Variants in CAMK2G observed in about 807,000 individuals in gnomAD.
The protein encoded by CAMK2G is calcium/calmodulin dependent protein kinase II gamma, also known as calcium/calmodulin-dependent protein kinase type II subunit gamma.
Under a neutral mutation model 88.7 loss-of-function variants are expected in CAMK2G, and 23 were observed. That is an observed-to-expected ratio of 0.26 (90% CI 0.19 to 0.37). The LOEUF (loss-of-function observed/expected upper bound fraction) is 0.37, where lower values mean the gene tolerates loss of function less well. Ranked by LOEUF, CAMK2G falls within the 10% of genes least tolerant of loss-of-function variation. The probability of loss-of-function intolerance (pLI) is 1.00; values close to 1 mark genes in which losing one functional copy is unlikely to be tolerated. For synonymous variants in CAMK2G, 263 were observed against 294.8 expected, an observed-to-expected ratio of 0.89 and a Z score of 1.11; for missense variants, 476 against 780.8, an observed-to-expected ratio of 0.61 and a Z score of 4.65.
intron 2 of CAMK2G, among the ~76,000 whole-genome samples, chr10:73,865,677 C>A (rs2095559131): frequency 6.6e-6 from 1 of 152,194 alleles, no homozygotes; most frequent in South Asian, 2.1e-4. Flanking sequence ...CATCTCCAAC[C>A]CCAAAAAGGG....
At chr10:73,871,173 A>G (rs2095815676) in intron 2 of CAMK2G, among the ~76,000 whole-genome samples, 1 of 152,192 alleles carries the variant, frequency 6.6e-6, no homozygotes, top group Non-Finnish European at 1.5e-5. Flanking sequence ...GGGGAAAAAA[A>G]AAAAAATCAA....
chr10:73,815,254 G>A lies in CAMK2G; in HGVS notation c.1535-7C>T, dbSNP rs1228618524. 1.9e-6 allele frequency: 3 copies of A among 1,595,278 alleles called. No homozygotes were observed. Among genetic ancestry groups the A allele is most frequent in the East Asian group, 2.2e-5 (1 of 44,690 alleles). On this transcript the variant is annotated splice_polypyrimidine_tract_variant and splice_region_variant and intron_variant, in intron 21 of 22. Coordinates refer to ENST00000423381, the MANE Select transcript of CAMK2G (RefSeq NM_001367534.1). ...TTGCTGTTCTTGGACAGGACTGCAG[G>A]GCAGGGTGGGGTAGGTAAGAGGACA...
At chr10:73,859,032 C>T (rs1437314146) in intron 3 of CAMK2G, among the ~76,000 whole-genome samples, 1 of 152,252 alleles carries the variant, frequency 6.6e-6, no homozygotes, top group South Asian at 2.1e-4. Context: ...ATTATCACTG[C>T]TGTACCAGTT....
intron 2 of CAMK2G, among the ~76,000 whole-genome samples, chr10:73,863,165 G>T (rs1398870288): frequency 1.3e-5 from 2 of 152,228 alleles, no homozygotes; most frequent in African/African-American, 4.8e-5. Context: ...GGGACAGACA[G>T]AGATTAGTTC....
chr10:73,856,058 C>T (rs1032580969), intron 3 of CAMK2G, among the ~76,000 whole-genome samples: 2 of 152,046 alleles, frequency 1.3e-5, no homozygotes, highest in Admixed American at 1.3e-4. Context: ...CAGCTGTGAG[C>T]CACCGCACCC....
intron 16 of CAMK2G, among the ~76,000 whole-genome samples, chr10:73,824,866 A>T (rs2090374132): frequency 6.6e-6 from 1 of 152,182 alleles, no homozygotes; most frequent in Admixed American, 6.5e-5. Flanking sequence ...TGGCTTTGCA[A>T]AGGAGAGGCT....
At chr10:73,857,677 A>G (rs1370154309) in intron 3 of CAMK2G, among the ~76,000 whole-genome samples, 1 of 152,220 alleles carries the variant, frequency 6.6e-6, no homozygotes, top group Non-Finnish European at 1.5e-5. Flanking sequence ...GAAGGAAGAC[A>G]GAGTCTATTC....
rs2093852448 is a variant in CAMK2G at position 73,842,267 on chromosome 10, G to A, written c.904-56C>T. The A allele has an allele frequency of 3.4e-6, 5 of 1,464,194 alleles. No homozygotes were observed. The highest frequency in any genetic ancestry group is 4.5e-5 in the East Asian group (2 of 44,256). 90.7% of individuals were successfully genotyped at this position (1,464,194 alleles called of 1,614,324 possible). On this transcript the variant is annotated intron_variant, in intron 11 of 22. Coordinates refer to ENST00000423381, the MANE Select transcript of CAMK2G (RefSeq NM_001367534.1). This position sits in a 1 kb window ranked among gnomAD's most constrained non-coding sequence, Gnocchi z 4.6. ...CTGAGACCCTAGAAAAGGGCAGGCT[G>A]GTCTCAGGCAAAGGCAGGTCCTGGC... is the stretch of plus-strand genomic sequence containing the variant.
Position 73,874,483 on chromosome 10 carries a change from GCGGTGCAGCCCGCGCCGACGT to G in CAMK2G, c.-43_-23del. 2 of 1,479,496 alleles carry G rather than the reference GCGGTGCAGCCCGCGCCGACGT, an allele frequency of 1.4e-6. No individual in the cohort carries two copies. The highest frequency in any genetic ancestry group is 2.6e-5 in the South Asian group (2 of 76,822). The allele number at this position is 1,479,496 out of a possible 1,614,324, so 91.6% of individuals were successfully genotyped here. ...CCATGCTGGCGGGCGGGCGGACGCG[GCGGTGCAGCCCGCGCCGACGT>G]CGGTGCACAGTCACCGCCGCCCGGC... On this transcript the variant is annotated 5_prime_UTR_variant, in exon 1 of 23. Transcript: ENST00000423381.
In CAMK2G at chr10:73,839,566, C is replaced by T. The variant is rs773679669; in HGVS notation, c.982G>A (p.Ala328Thr). 25 of 1,234,820 alleles carry T rather than the reference C, an allele frequency of 2.0e-5. No homozygotes were observed. The highest frequency in any genetic ancestry group is 1.2e-4 in the South Asian group (3 of 24,586). 76.5% of individuals were successfully genotyped at this position (1,234,820 alleles called of 1,614,324 possible). The change falls in exon 13 of 23, where the codon GCG becomes ACG. Residue 328 changes from alanine to threonine, a missense_variant. Physicochemically the swap from Ala to Thr is moderately conservative, Grantham distance 58. Around this residue, in one of 3 missense-constraint regions of CAMK2G, gnomAD observed 278 missense variants for 366.5 expected, o/e 0.76. Transcript: ENST00000423381. This position sits in a 1 kb window ranked among gnomAD's most constrained non-coding sequence, Gnocchi z 4.2. ...RQSSAPASPA[A>T]SAAGLAGQAA... is the part of the protein sequence containing the mutation. ...TGCCCGGCCAGGCCGGCGGCGCTCG[C>T]GGCAGGCGAGGCGGGGGCGGAGCTC...
At chr10:73,873,205 A>G in intron 1 of CAMK2G, 122 bp from the exon 2 acceptor site, 2 of 960,080 alleles carry the variant, frequency 2.1e-6, no homozygotes, top group Non-Finnish European at 1.6e-6. Context: ...ACGTACATGC[A>G]CACACACCGG....
At chr10:73,829,700 G>GGTGTGTGTGTGTGTGTGTGTGT (rs60725888) in intron 14 of CAMK2G, among the ~76,000 whole-genome samples, 119 of 138,408 alleles carry the variant, frequency 8.6e-4, no homozygotes, top group African/African-American at 3.0e-3. Flanking sequence ...TAAGTAGTGG[G>GGTGTGTGTGTGTGTGTGTGTGT]GTGTGTGTGT....
chr10:73,815,239 T>C lies in CAMK2G; in HGVS notation c.1543A>G (p.Lys515Glu). 6.2e-7 allele frequency: 1 copy of C among 1,612,424 alleles called. No homozygotes were observed. The highest frequency in any genetic ancestry group is 8.5e-7 in the Non-Finnish European group (1 of 1,178,474). Residue 515 changes from lysine (K) to glutamate (E), a missense_variant, in exon 22 of 23, where the codon AAG (lysine) becomes GAG (glutamate). By Grantham distance (56) the Lys-to-Glu change is moderately conservative. Transcript: ENST00000423381. Reference protein sequence around the residue: ...HKFYFENLLSKNSKPIHTTIL... With the variant: ...HKFYFENLLSENSKPIHTTIL... The stretch of plus-strand genomic sequence containing the variant: ...GTGGTATGGATAGGCTTGCTGTTCT[T>C]GGACAGGACTGCAGGGCAGGGTGGG...
chr10:73,819,758 C>T (rs1303669798), intron 18 of CAMK2G, 113 bp from the exon 19 acceptor site: 6 of 644,698 alleles, frequency 9.3e-6, no homozygotes, highest in East Asian at 2.9e-5. Flanking sequence ...GCTGCAGAGC[C>T]GGGGCAAGGG....
intron 15 of CAMK2G, among the ~76,000 whole-genome samples, chr10:73,827,680 A>G (rs531791074): frequency 7.2e-5 from 11 of 152,290 alleles, no homozygotes; most frequent in African/African-American, 2.6e-4. Context: ...GGAGCCTGCA[A>G]CCAGCTCCTC....
rs1453664159 is a variant in CAMK2G at position 73,821,739 on chromosome 10, C to A, written c.1201-9G>T. The A allele has an allele frequency of 1.2e-6, 2 of 1,608,576 alleles. No individual in the cohort carries two copies. The highest frequency in any genetic ancestry group is 1.7e-6 in the Non-Finnish European group (2 of 1,176,636). On this transcript the variant is annotated splice_polypyrimidine_tract_variant and intron_variant, in intron 17 of 22. Transcript: ENST00000423381. Reference sequence around the variant, plus strand: ...CAGCTCTCTGTGGAGCCCTGTAGGCCAAAAAGAACATGTTTCTATATGCTC... The same window carrying A: ...CAGCTCTCTGTGGAGCCCTGTAGGCAAAAAAGAACATGTTTCTATATGCTC...
At position 73,816,586 on chromosome 10, in the gene CAMK2G, G is replaced by A. The variant is rs571927707; in HGVS notation, c.1534+437C>T. The A allele has an allele frequency of 1.0e-4, 63 of 605,214 alleles. 1 individual carries two copies. In the South Asian group the frequency reaches 1.2e-3, roughly 11 times the overall value. 37.5% of individuals were successfully genotyped at this position (605,214 alleles called of 1,614,324 possible). A position where few individuals can be genotyped will look rare whatever the true frequency, so the allele number is the denominator to read the frequency against. On this transcript the variant is annotated intron_variant, in intron 21 of 22. Coordinates refer to ENST00000423381, the MANE Select transcript of CAMK2G (RefSeq NM_001367534.1). ...CATCATTCTCCTGCCTCAGCCACCCGAGTAGCTGGGACTACAGGCACCGCC... is the reference window on the plus strand; with the variant it reads ...CATCATTCTCCTGCCTCAGCCACCCAAGTAGCTGGGACTACAGGCACCGCC...
intron 2 of CAMK2G, among the ~76,000 whole-genome samples, chr10:73,866,558 T>G (rs184019865): frequency 4.6e-5 from 7 of 152,240 alleles, no homozygotes; most frequent in Admixed American, 1.3e-4. Context: ...GGATGCACAT[T>G]CCTACTCTGA....
chr10:73,842,628 G>T lies in CAMK2G; in HGVS notation c.820-87C>A. 1.0e-6 allele frequency: 1 copy of T among 958,620 alleles called. No homozygotes were observed. The highest frequency in any genetic ancestry group is 1.7e-6 in the Non-Finnish European group (1 of 594,652). 59.4% of individuals were successfully genotyped at this position (958,620 alleles called of 1,614,324 possible). On this transcript the variant is annotated intron_variant, in intron 10 of 22. Transcript: ENST00000423381. The surrounding 1 kb of genome is among the most constrained non-coding windows in gnomAD (Gnocchi z 4.6). ...TGGCACCGATACCATGCCCAGGACA[G>T]GGTCATGCACTCAGCCACCCCAGAG... is the stretch of plus-strand genomic sequence containing the variant.
Sources: allele counts gnomAD v4.1 joint callset (sites outside exome capture counted in the v4.1 genomes callset), GRCh38; gene constraint gnomAD v4.1.1; regional missense constraint gnomAD v4.1.1; non-coding constraint Gnocchi (gnomAD v3.1); transcripts MANE v1.5; gene names NCBI Gene and HGNC (gene_info 2026-07-23, HGNC 2026-07-21).